FAM135B: variants seen among roughly 807,000 people sequenced by gnomAD.
FAM135B encodes the protein family with sequence similarity 135 member B, also known as protein FAM135B.
A neutral mutation model predicts 127.7 loss-of-function variants in FAM135B; 43 were observed. The ratio of observed to expected loss-of-function variants is 0.34; its 90% CI spans 0.26 to 0.43. The LOEUF (loss-of-function observed/expected upper bound fraction) is 0.43. Among genes scored for constraint, FAM135B ranks in the 20% least tolerant of loss-of-function variants. The pLI is 1.00. For missense variants in FAM135B, 1,558 were observed against 1,725.6 expected (o/e 0.90, Z 1.72); for synonymous variants, 670 against 665.1 (o/e 1.01, Z -0.11).
Position 138,185,164 on chromosome 8 carries a change from C to G in FAM135B, c.874-6474G>C, listed in dbSNP as rs1815436164. Among the ~76,000 whole-genome samples, 7 of 152,200 alleles carry G rather than the reference C, an allele frequency of 4.6e-5. No individual in the cohort carries two copies. The South Asian group carries it at 1.5e-3, about 32-fold the overall frequency. On this transcript the variant is annotated intron_variant, in intron 9 of 19. Coordinates refer to ENST00000395297, the MANE Select transcript of FAM135B (RefSeq NM_015912.4). Reference sequence around the variant, plus strand: ...AGCCAGTCCCCAAAGCTTTAGTTTCCCCACTAGGAATCAGGCCTAATAAAA... The same window carrying G: ...AGCCAGTCCCCAAAGCTTTAGTTTCGCCACTAGGAATCAGGCCTAATAAAA...
chr8:138,208,367 C>G (rs1817871135), intron 7 of FAM135B, among the ~76,000 whole-genome samples: 1 of 152,156 alleles, frequency 6.6e-6, no homozygotes, highest in Admixed American at 6.5e-5. Flanking sequence ...ATCCAGAAGG[C>G]AGGTATGAAT....
chr8:138,241,984 C>T lies in FAM135B; in HGVS notation c.669+958G>A, dbSNP rs80251623. On this transcript the variant is annotated intron_variant, in intron 7 of 19. Coordinates refer to ENST00000395297, the MANE Select transcript of FAM135B (RefSeq NM_015912.4). This position sits in a 1 kb window ranked among gnomAD's most constrained non-coding sequence, Gnocchi z 4.8. ...CTTTGATCTGGGACATCAGTTTTCT[C>T]CTGCCTTTGGACTTAGACTTGCAAG... Among the ~76,000 whole-genome samples the T allele has an allele frequency of 0.014, 2,202 of 152,222 alleles. 23 individuals are homozygous for T. The highest frequency in any genetic ancestry group is 0.023 in the Non-Finnish European group (1,580 of 68,018).
At chr8:138,254,434 A>C (rs1244187638) in intron 5 of FAM135B, among the ~76,000 whole-genome samples, 1 of 152,198 alleles carries the variant, frequency 6.6e-6, no homozygotes, top group Non-Finnish European at 1.5e-5. Flanking sequence ...TCTACCATAA[A>C]GCTATGAATG....
intron 1 of FAM135B, among the ~76,000 whole-genome samples, chr8:138,384,573 A>C (rs930292142): frequency 1.3e-5 from 2 of 152,100 alleles, no homozygotes; most frequent in African/African-American, 4.8e-5. Flanking sequence ...GCTCCCAAGC[A>C]TAGCAGAGAC....
At chr8:138,275,750 C>T (rs868255430) in intron 3 of FAM135B, among the ~76,000 whole-genome samples, 1 of 152,100 alleles carries the variant, frequency 6.6e-6, no homozygotes, top group African/African-American at 2.4e-5. Flanking sequence ...TTATCCCCTC[C>T]TGGCGCTTAG....
At chr8:138,412,630 C>A (rs770695588) in intron 1 of FAM135B, among the ~76,000 whole-genome samples, 1 of 152,162 alleles carries the variant, frequency 6.6e-6, no homozygotes, top group Non-Finnish European at 1.5e-5. Context: ...CTGCCTTGCA[C>A]CCACGCATGT....
intron 2 of FAM135B, among the ~76,000 whole-genome samples, chr8:138,342,751 C>G (rs962092576): frequency 3.3e-5 from 5 of 152,214 alleles, no homozygotes; most frequent in African/African-American, 1.2e-4. Flanking sequence ...TTCAGATATT[C>G]CTGCTTGCTC....
chr8:138,162,942 A>G (rs1819538786), intron 12 of FAM135B, among the ~76,000 whole-genome samples: 1 of 152,256 alleles, frequency 6.6e-6, no homozygotes, highest in Non-Finnish European at 1.5e-5. Context: ...CAGATTCATC[A>G]CAGACAGTTA....
chr8:138,249,083 T>A (rs1462930637), intron 6 of FAM135B, among the ~76,000 whole-genome samples: 1 of 152,134 alleles, frequency 6.6e-6, no homozygotes, highest in Admixed American at 6.5e-5. Flanking sequence ...TCTTGCCTCA[T>A]CTTCAGCAGA....
chr8:138,143,483 G>A (rs188670277), intron 15 of FAM135B, among the ~76,000 whole-genome samples: 1 of 152,238 alleles, frequency 6.6e-6, no homozygotes, highest in African/African-American at 2.4e-5. Context: ...ATGACCCAGC[G>A]TTCACACCAA....
chr8:138,279,891 A>G (rs1824126328), intron 3 of FAM135B, among the ~76,000 whole-genome samples: 1 of 152,196 alleles, frequency 6.6e-6, no homozygotes, highest in Non-Finnish European at 1.5e-5. Flanking sequence ...AGATGCTCAA[A>G]AAGTTGCCAA....
At chr8:138,217,094 T>C (rs1818605101) in intron 7 of FAM135B, among the ~76,000 whole-genome samples, 1 of 152,206 alleles carries the variant, frequency 6.6e-6, no homozygotes, top group Non-Finnish European at 1.5e-5. Flanking sequence ...GTCACCAAAA[T>C]GACCAGCATC....
intron 1 of FAM135B, among the ~76,000 whole-genome samples, chr8:138,405,870 C>T (rs1290790666): frequency 3.3e-5 from 5 of 151,900 alleles, no homozygotes; most frequent in Non-Finnish European, 5.9e-5. Context: ...TCCTCTCCAG[C>T]ACCTGTTGTT....
chr8:138,310,759 C>A, intron 3 of FAM135B, 82 bp downstream of exon 3: 2 of 1,263,428 alleles, frequency 1.6e-6, no homozygotes, highest in Non-Finnish European at 2.3e-6. Flanking sequence ...ACATGCCTTG[C>A]ACTCTGCTGT....
intron 1 of FAM135B, among the ~76,000 whole-genome samples, chr8:138,470,118 T>C (rs1034087810): frequency 2.4e-4 from 37 of 152,104 alleles, no homozygotes; most frequent in Admixed American, 2.4e-3. Context: ...AGGTATAATA[T>C]CTGAACTGAA....
chr8:138,409,392 T>C (rs1342637971), intron 1 of FAM135B, among the ~76,000 whole-genome samples: 1 of 152,016 alleles, frequency 6.6e-6, no homozygotes, highest in Non-Finnish European at 1.5e-5. Context: ...AGACTAATCA[T>C]GGATCACCGC....
intron 4 of FAM135B, among the ~76,000 whole-genome samples, chr8:138,264,044 T>C (rs548003304): frequency 4.7e-4 from 71 of 152,300 alleles, no homozygotes; most frequent in African/African-American, 1.7e-3. Flanking sequence ...CCCTGCTCCA[T>C]CTTCATCTCC....
chr8:138,258,466 A>T (rs1333133627), intron 4 of FAM135B, among the ~76,000 whole-genome samples: 1 of 152,230 alleles, frequency 6.6e-6, no homozygotes, highest in African/African-American at 2.4e-5. Flanking sequence ...TCATGAATCT[A>T]GCCTCAAATA....
chr8:138,463,841 G>A (rs1837254221), intron 1 of FAM135B, among the ~76,000 whole-genome samples: 1 of 152,050 alleles, frequency 6.6e-6, no homozygotes, highest in South Asian at 2.1e-4. Flanking sequence ...GAGATTTGAA[G>A]ATATAAAGAA....
Sources: gnomAD v4.1 joint callset for allele counts (sites outside exome capture counted in the v4.1 genomes callset) on GRCh38, gnomAD v4.1.1 for gene constraint, Gnocchi (gnomAD v3.1) non-coding constraint, MANE v1.5 for transcripts, NCBI Gene and HGNC (gene_info 2026-07-23, HGNC 2026-07-21) for gene names.